Variants in TASP1 observed in about 807,000 individuals in gnomAD.
The protein encoded by TASP1 is threonine aspartase 1.
In TASP1, 16 loss-of-function variants were observed where a neutral mutation model predicts 56.6. The observed-to-expected ratio is 0.28, with a 90% confidence interval of 0.19 to 0.43. TASP1 has a LOEUF of 0.43. TASP1 is among the 20% of genes least tolerant of loss of function. The probability of loss-of-function intolerance (pLI) is 1.00; values close to 1 mark genes in which losing one functional copy is unlikely to be tolerated. For missense variants in TASP1, 393 were observed against 511.6 expected (o/e 0.77, Z 2.24); for synonymous variants, 179 against 184.2 (o/e 0.97, Z 0.23).
At chr20:13,383,994 A>G in the TASP1 span, among the ~76,000 whole-genome samples, 1 of 152,182 alleles carries the variant, frequency 6.6e-6, no homozygotes, top group Non-Finnish European at 1.5e-5. Context: ...TTGGGGGAAG[A>G]ACCTGGGTGG....
chr20:13,167,722 C>G, the TASP1 span: 2 of 152,166 alleles, frequency 1.3e-5, no homozygotes, highest in East Asian at 3.8e-4. Context: ...ACAGAGACGA[C>G]AGGCTTTGGA....
At chr20:13,321,069 C>T in the TASP1 span, among the ~76,000 whole-genome samples, 1 of 151,498 alleles carries the variant, frequency 6.6e-6, no homozygotes, top group African/African-American at 2.4e-5. Flanking sequence ...CATGGTGGTA[C>T]GTGCCTGTAA....
the TASP1 span, among the ~76,000 whole-genome samples, chr20:13,327,239 G>A: frequency 6.6e-6 from 1 of 152,008 alleles, no homozygotes; most frequent in African/African-American, 2.4e-5. Context: ...AAATACCCAG[G>A]AATAGAGCTA....
the TASP1 span, among the ~76,000 whole-genome samples, chr20:13,316,499 G>A: frequency 6.6e-6 from 1 of 151,782 alleles, no homozygotes; most frequent in Non-Finnish European, 1.5e-5. Context: ...AAAAAGTACT[G>A]ACCAACATAT....
the TASP1 span, among the ~76,000 whole-genome samples, chr20:13,145,400 G>C: frequency 6.6e-6 from 1 of 151,998 alleles, no homozygotes; most frequent in Admixed American, 6.6e-5. Flanking sequence ...GCCACAAAAA[G>C]AATAAAATAC....
the TASP1 span, among the ~76,000 whole-genome samples, chr20:13,199,633 T>C: frequency 1.5e-4 from 23 of 152,348 alleles, no homozygotes; most frequent in Non-Finnish European, 2.6e-4. Context: ...ACCAATGCCC[T>C]GTATCTTTAT....
In TASP1 at chr20:13,390,157, C is replaced by A. The variant is rs1335418976; in HGVS notation, c.*203G>T. On this transcript the variant is annotated 3_prime_UTR_variant, in exon 14 of 14. Transcript: ENST00000337743. ...ACATATGTGCGCACATACGCGCACA[C>A]ACTCACACACAGTCCCGCTCACCCA... is the stretch of plus-strand genomic sequence containing the variant. 6 of 540,964 alleles carry A rather than the reference C, an allele frequency of 1.1e-5. No homozygotes were observed. In the South Asian group the frequency reaches 1.2e-4, roughly 11 times the overall value. The allele number at this position is 540,964 out of a possible 1,614,324, so 33.5% of individuals were successfully genotyped here.
chr20:13,587,995 T>C (rs2147260344), intron 4 of TASP1, among the ~76,000 whole-genome samples: 1 of 152,046 alleles, frequency 6.6e-6, no homozygotes, highest in South Asian at 2.1e-4. Flanking sequence ...GGTGTGGTGG[T>C]ATGCATCTGT....
the TASP1 span, among the ~76,000 whole-genome samples, chr20:13,264,221 G>T: frequency 1.3e-5 from 2 of 152,188 alleles, no homozygotes; most frequent in African/African-American, 4.8e-5. Context: ...CCTTCAAGAA[G>T]TCTGCCTGAT....
At chr20:13,381,407 T>C in the TASP1 span, among the ~76,000 whole-genome samples, 1 of 152,236 alleles carries the variant, frequency 6.6e-6, no homozygotes, top group Admixed American at 6.5e-5. Context: ...CCATGCCCAC[T>C]GTCTAACCAG....
intron 8 of TASP1, among the ~76,000 whole-genome samples, chr20:13,543,844 T>C (rs2045710456): frequency 6.6e-6 from 1 of 152,254 alleles, no homozygotes; most frequent in Non-Finnish European, 1.5e-5. Context: ...TCTTGCTCAA[T>C]TTGGACATGT....
the TASP1 span, among the ~76,000 whole-genome samples, chr20:13,277,573 C>T: frequency 1.3e-5 from 2 of 152,158 alleles, no homozygotes; most frequent in Non-Finnish European, 2.9e-5. Flanking sequence ...TCTCCCACGA[C>T]CATTCATTCC....
At chr20:13,634,426 T>C (rs974212613) in intron 1 of TASP1, among the ~76,000 whole-genome samples, 5 of 152,250 alleles carry the variant, frequency 3.3e-5, no homozygotes, top group East Asian at 1.9e-4. Context: ...ACTTTCTTTT[T>C]GTGCTGATAA....
At chr20:13,464,123 G>T (rs1004487658) in intron 11 of TASP1, among the ~76,000 whole-genome samples, 2 of 152,120 alleles carry the variant, frequency 1.3e-5, no homozygotes, top group Non-Finnish European at 2.9e-5. Context: ...TGTATCTCCT[G>T]CTCCCCAAAT....
the TASP1 span, among the ~76,000 whole-genome samples, chr20:13,175,361 G>C: frequency 6.6e-6 from 1 of 152,206 alleles, no homozygotes; most frequent in Non-Finnish European, 1.5e-5. Context: ...GAAATCATAA[G>C]CTGTAATAGC....
chr20:13,472,448 C>T (rs893513906), intron 11 of TASP1, among the ~76,000 whole-genome samples: 3 of 150,914 alleles, frequency 2.0e-5, no homozygotes, highest in African/African-American at 7.4e-5. Context: ...ACTAAAACAC[C>T]AAAAGCAATC....
intron 11 of TASP1, among the ~76,000 whole-genome samples, chr20:13,447,855 T>C (rs1261784981): frequency 5.3e-5 from 8 of 152,160 alleles, no homozygotes; most frequent in Admixed American, 3.9e-4. Flanking sequence ...TGCTATACTC[T>C]TTACTTATTA....
In TASP1 at chr20:13,464,740, G is replaced by A. The variant is rs142879250; in HGVS notation, c.985+18487C>T. Among the ~76,000 whole-genome samples the A allele has an allele frequency of 5.2e-3, 798 of 152,196 alleles. 2 individuals are homozygous for A. The highest frequency in any genetic ancestry group is 9.0e-3 in the Admixed American group (137 of 15,284). ...TAAAAAGTAGAATGATAGTTGCCAG[G>A]AGCTGCAGAGAGGAGGGAAAGGGGA... On this transcript the variant is annotated intron_variant, in intron 11 of 13. Transcript: ENST00000337743.
At chr20:13,424,925 T>C (rs1373951492) in intron 12 of TASP1, among the ~76,000 whole-genome samples, 1 of 150,884 alleles carries the variant, frequency 6.6e-6, no homozygotes, top group Non-Finnish European at 1.5e-5. Flanking sequence ...TAACATATCA[T>C]GTCATACAAA....
Sources: gnomAD v4.1 joint callset for allele counts (sites outside exome capture counted in the v4.1 genomes callset) on GRCh38, gnomAD v4.1.1 for gene constraint, MANE v1.5 for transcripts, NCBI Gene and HGNC (gene_info 2026-07-23, HGNC 2026-07-21) for gene names.